The following NECTIN1 variants were observed in gnomAD, a reference collection of about 807,000 sequenced individuals.
NECTIN1 encodes nectin-1.
Under a neutral mutation model 48.0 loss-of-function variants are expected in NECTIN1, and 23 were observed. The ratio of observed to expected loss-of-function variants is 0.48; its 90% CI spans 0.34 to 0.68. The LOEUF (loss-of-function observed/expected upper bound fraction) is 0.68, where lower values mean the gene tolerates loss of function less well. NECTIN1 is among the 30% of genes least tolerant of loss of function. NECTIN1 has a pLI of 0.01. For missense variants in NECTIN1, 591 were observed against 709.9 expected, an observed-to-expected ratio of 0.83 and a Z score of 1.90; for synonymous variants, 270 against 288.9, an observed-to-expected ratio of 0.93 and a Z score of 0.66.
In NECTIN1 at chr11:119,709,681, G is replaced by A. The variant is rs932259283; in HGVS notation, c.79+18794C>T. Among the ~76,000 whole-genome samples, 5 of 152,278 alleles carry A rather than the reference G, an allele frequency of 3.3e-5. No individual in the cohort carries two copies. Among genetic ancestry groups the A allele is most frequent in the African/African-American group, 9.6e-5 (4 of 41,542 alleles). On this transcript the variant is annotated intron_variant, in intron 1 of 5. Transcript: ENST00000264025. This position sits in a 1 kb window ranked among gnomAD's most constrained non-coding sequence, Gnocchi z 4.1. ...GGCTGGGGGCTGGGGGCTGGGAGAG[G>A]AGAGTGATGCTCGGGGACTCCCCAA...
At chr11:119,708,556 G>A (rs1025032235) in intron 1 of NECTIN1, among the ~76,000 whole-genome samples, 11 of 150,202 alleles carry the variant, frequency 7.3e-5, no homozygotes, top group African/African-American at 2.7e-4. Context: ...TATACGAAAT[G>A]TCCAGGATAG....
rs142388398 is a variant in NECTIN1 at position 119,664,903 on chromosome 11, C to T, written c.1398G>A (p.Arg466=). The T allele has an allele frequency of 7.4e-5, 119 of 1,613,984 alleles. No homozygotes were observed. The African/African-American group carries it at 1.3e-3, about 17-fold the overall frequency. Residue 466 remains arginine, a synonymous_variant, in exon 6 of 6, where the codon CGG becomes CGA. Transcript: ENST00000264025. ...CGGCCTCATCCACGGTGAAGTAGGG[C>T]CGCTTGGCGTCCTCGTCATATTTGG... ...PHPKYDEDAK[R]PYFTVDEAEA...
At chr11:119,647,351 C>T (rs1054532778) in intron 5 of NECTIN1, among the ~76,000 whole-genome samples, 1 of 151,996 alleles carries the variant, frequency 6.6e-6, no homozygotes, top group Non-Finnish European at 1.5e-5. Flanking sequence ...CCCTCCACAC[C>T]TTGAGTTGTC....
intron 7 of NECTIN1, chr11:119,638,335 C>A: frequency 6.6e-7 from 1 of 1,511,602 alleles, no homozygotes; most frequent in East Asian, 2.3e-5. Context: ...GATTGGGACT[C>A]CTCAGTTCCC....
chr11:119,726,740 C>G (rs149933474), intron 1 of NECTIN1, among the ~76,000 whole-genome samples: 18 of 152,322 alleles, frequency 1.2e-4, no homozygotes, highest in Admixed American at 4.6e-4. Flanking sequence ...TTCCCACCAC[C>G]CTTTGTCCAT....
chr11:119,715,547 G>T (rs190235504), intron 1 of NECTIN1, among the ~76,000 whole-genome samples: 1 of 152,054 alleles, frequency 6.6e-6, no homozygotes, highest in African/African-American at 2.4e-5. Flanking sequence ...GTAGAGACAG[G>T]GTTTCACCAT....
At chr11:119,700,478 G>A (rs993685623) in intron 1 of NECTIN1, among the ~76,000 whole-genome samples, 1 of 152,134 alleles carries the variant, frequency 6.6e-6, no homozygotes, top group Non-Finnish European at 1.5e-5. Flanking sequence ...AAGGCTGCTC[G>A]GTTGATCCTT....
chr11:119,675,984 T>C (rs1158248253), intron 4 of NECTIN1, among the ~76,000 whole-genome samples: 1 of 147,804 alleles, frequency 6.8e-6, no homozygotes, highest in Non-Finnish European at 1.5e-5. Flanking sequence ...CCAGCCTGGG[T>C]GACAGAGTGA....
At chr11:119,638,181 G>T in exon 8 of NECTIN1, 1 of 1,613,990 alleles carries the variant, frequency 6.2e-7, no homozygotes, top group Non-Finnish European at 8.5e-7. Flanking sequence ...TAGGGGGGCT[G>T]CAGGGACAGC....
At chr11:119,671,696 A>G (rs891642487) in intron 5 of NECTIN1, among the ~76,000 whole-genome samples, 1 of 152,152 alleles carries the variant, frequency 6.6e-6, no homozygotes, top group Non-Finnish European at 1.5e-5. Flanking sequence ...AGCCAGCCAC[A>G]GGGAGAGTGG....
chr11:119,656,483 C>T (rs1864576316), downstream of NECTIN1: 1 of 152,232 alleles, frequency 6.6e-6, no homozygotes, highest in Non-Finnish European at 1.5e-5. Flanking sequence ...TTGTGCCGTT[C>T]TGTTACTTGC....
intron 1 of NECTIN1, among the ~76,000 whole-genome samples, chr11:119,705,331 TTC>T (rs2135574261): frequency 6.6e-6 from 1 of 152,334 alleles, no homozygotes; most frequent in African/African-American, 2.4e-5. Context: ...GCAGAAAACA[TTC>T]TCTGTCTTCA....
intron 1 of NECTIN1, among the ~76,000 whole-genome samples, chr11:119,715,269 G>A (rs1180946191): frequency 6.6e-6 from 1 of 152,228 alleles, no homozygotes; most frequent in African/African-American, 2.4e-5. Flanking sequence ...TGCAGGGCAG[G>A]GAGGTACCTT....
At chr11:119,706,930 G>A (rs376085750) in intron 1 of NECTIN1, among the ~76,000 whole-genome samples, 68 of 152,146 alleles carry the variant, frequency 4.5e-4, no homozygotes, top group African/African-American at 1.6e-3. Context: ...GCATCCAAGG[G>A]CACAAAGCTA....
At chr11:119,652,942 A>C (rs1864514156) in intron 5 of NECTIN1, among the ~76,000 whole-genome samples, 1 of 152,226 alleles carries the variant, frequency 6.6e-6, no homozygotes, top group Non-Finnish European at 1.5e-5. Flanking sequence ...TTGGGATAAT[A>C]ATACACAGCA....
chr11:119,704,889 C>T lies in NECTIN1; in HGVS notation c.79+23586G>A, dbSNP rs118111871. On this transcript the variant is annotated intron_variant, in intron 1 of 5. Coordinates refer to ENST00000264025, the MANE Select transcript of NECTIN1 (RefSeq NM_002855.5). The stretch of plus-strand genomic sequence containing the variant: ...GCAAGGGGACAGCTCTAGCTAAGAT[C>T]TGGTTTGAGTCCTGGCCCTGCCACT... 8.8e-4 allele frequency among the ~76,000 whole-genome samples: 134 copies of T among 152,322 alleles called. 2 individuals are homozygous for T. The East Asian group carries it at 0.023, about 26-fold the overall frequency.
At chr11:119,692,919 C>A (rs911301688) in intron 1 of NECTIN1, among the ~76,000 whole-genome samples, 1 of 152,196 alleles carries the variant, frequency 6.6e-6, no homozygotes, top group Non-Finnish European at 1.5e-5. Flanking sequence ...GGGTGAGCAG[C>A]CCCTGCCTGC....
At position 119,728,733 on chromosome 11, in the gene NECTIN1, G is replaced by GA. The variant is rs1277081463; in HGVS notation, c.-181_-180insT. 1 of 458,518 alleles carries GA rather than the reference G, an allele frequency of 2.2e-6. No homozygotes were observed. The highest frequency in any genetic ancestry group is 3.8e-6 in the Non-Finnish European group (1 of 260,782). The allele number at this position is 458,518 out of a possible 1,614,324, so 28.4% of individuals were successfully genotyped here. A position where few individuals can be genotyped will look rare whatever the true frequency, so the allele number is the denominator to read the frequency against. Reference sequence around the variant, plus strand: ...TGGGATCCGCGCGGCCGCAGTCCGGGCCCCGGGCCGCCGCCGGCTCAGAGG... The same window carrying GA: ...TGGGATCCGCGCGGCCGCAGTCCGGGACCCCGGGCCGCCGCCGGCTCAGAGG... On this transcript the variant is annotated 5_prime_UTR_variant, in exon 1 of 6. Transcript: ENST00000264025.
At chr11:119,654,428 G>A (rs1177599861) in intron 5 of NECTIN1, among the ~76,000 whole-genome samples, 1 of 152,132 alleles carries the variant, frequency 6.6e-6, no homozygotes, top group African/African-American at 2.4e-5. Context: ...CCAGGTTCAG[G>A]GAGGACACAC....
Sources: gnomAD v4.1 joint callset for allele counts (sites outside exome capture counted in the v4.1 genomes callset) on GRCh38, gnomAD v4.1.1 for gene constraint, Gnocchi (gnomAD v3.1) non-coding constraint, MANE v1.5 for transcripts, NCBI Gene and HGNC (gene_info 2026-07-23, HGNC 2026-07-21) for gene names.